SCAPER: variants seen among roughly 807,000 people sequenced by gnomAD.
SCAPER encodes the protein S-phase cyclin A associated protein in the ER.
Under a neutral mutation model 182.2 loss-of-function variants are expected in SCAPER, and 98 were observed. The observed-to-expected ratio is 0.54, with a 90% CI of 0.46 to 0.64. The LOEUF is 0.64. Ranked by LOEUF, SCAPER falls within the 30% of genes least tolerant of loss-of-function variation. The pLI, the probability that SCAPER is intolerant of heterozygous loss-of-function variation, is 0.00. For synonymous variants in SCAPER, 605 were observed against 564.6 expected (o/e 1.07, Z -1.01); for missense variants, 1,432 against 1,690.0 (o/e 0.85, Z 2.68).
intron 25 of SCAPER, among the ~76,000 whole-genome samples, chr15:76,465,837 C>T (rs1462850494): frequency 6.6e-6 from 1 of 152,014 alleles, no homozygotes; most frequent in Non-Finnish European, 1.5e-5. Context: ...CTTTTTTCTG[C>T]TGTGTATTCC....
At chr15:76,621,638 TAA>T in intron 22 of SCAPER, 124 bp downstream of exon 22, 1 of 801,192 alleles carries the variant, frequency 1.2e-6, no homozygotes, top group African/African-American at 1.7e-5. Flanking sequence ...ACTACTGTGT[TAA>T]GAGAATGCTG....
intron 5 of SCAPER, among the ~76,000 whole-genome samples, chr15:76,818,402 T>G (rs990940675): frequency 6.6e-6 from 1 of 152,186 alleles, no homozygotes; most frequent in Non-Finnish European, 1.5e-5. Flanking sequence ...AATGAATTGT[T>G]AGATACAACA....
At chr15:76,785,325 AAG>A (rs2064501612) in intron 8 of SCAPER, among the ~76,000 whole-genome samples, 6 of 152,150 alleles carry the variant, frequency 3.9e-5, no homozygotes, top group Non-Finnish European at 8.8e-5. Context: ...AAAACCACAT[AAG>A]ATACCGTCTC....
chr15:76,679,345 T>C (rs989067381), intron 20 of SCAPER, among the ~76,000 whole-genome samples: 1 of 152,202 alleles, frequency 6.6e-6, no homozygotes, highest in Non-Finnish European at 1.5e-5. Context: ...ACAGTTCCAT[T>C]ATATTTAAGT....
In SCAPER at chr15:76,428,091, A is replaced by AAAAAC. The variant is rs1006057568; in HGVS notation, c.3311+5982_3311+5986dup. 4.9e-4 allele frequency among the ~76,000 whole-genome samples: 75 copies of AAAAAC among 152,210 alleles called. 2 individuals are homozygous for AAAAAC. The highest frequency in any genetic ancestry group is 2.1e-3 in the South Asian group (10 of 4,820). ...CTCCAGCCTGGGCAACAGTGTCTCA[A>AAAAAC]AAAACAAAACAAAACAAAACAAAAC... On this transcript the variant is annotated intron_variant, in intron 26 of 31. Coordinates refer to ENST00000563290, the MANE Select transcript of SCAPER (RefSeq NM_020843.4).
At chr15:76,851,362 A>G (rs929764908) in intron 4 of SCAPER, among the ~76,000 whole-genome samples, 3 of 152,204 alleles carry the variant, frequency 2.0e-5, no homozygotes, top group Non-Finnish European at 4.4e-5. Flanking sequence ...CTACACAAGA[A>G]GATCAACCCC....
intron 22 of SCAPER, among the ~76,000 whole-genome samples, chr15:76,614,778 G>C (rs550208721): frequency 6.6e-6 from 1 of 152,208 alleles, no homozygotes; most frequent in South Asian, 2.1e-4. Flanking sequence ...CTAGTACAGG[G>C]ATAAATGAAA....
chr15:76,846,837 C>T (rs976013619), intron 4 of SCAPER, among the ~76,000 whole-genome samples: 2 of 152,096 alleles, frequency 1.3e-5, no homozygotes, highest in African/African-American at 4.8e-5. Context: ...TATGATCCAG[C>T]AAACCCACTG....
chr15:76,865,612 T>C (rs528867658), intron 2 of SCAPER, among the ~76,000 whole-genome samples: 3 of 152,110 alleles, frequency 2.0e-5, no homozygotes, highest in Admixed American at 6.6e-5. Context: ...CAGAGACAAA[T>C]TGTGTTATGG....
At chr15:76,778,274 G>A (rs552421742) in intron 8 of SCAPER, among the ~76,000 whole-genome samples, 9 of 152,094 alleles carry the variant, frequency 5.9e-5, no homozygotes, top group African/African-American at 1.4e-4. Context: ...TAAAAATGGA[G>A]AGAGTTAAGG....
intron 22 of SCAPER, among the ~76,000 whole-genome samples, chr15:76,575,413 G>A (rs931264304): frequency 1.3e-5 from 2 of 152,106 alleles, no homozygotes; most frequent in Non-Finnish European, 2.9e-5. Flanking sequence ...TTCATAAGAT[G>A]ATCCTACATT....
intron 21 of SCAPER, among the ~76,000 whole-genome samples, chr15:76,637,113 T>C (rs1364500453): frequency 6.6e-6 from 1 of 152,070 alleles, no homozygotes; most frequent in African/African-American, 2.4e-5. Flanking sequence ...CACCTAACTT[T>C]AGAACATTTT....
intron 25 of SCAPER, among the ~76,000 whole-genome samples, chr15:76,447,819 T>G (rs1264084359): frequency 6.6e-6 from 1 of 152,292 alleles, no homozygotes; most frequent in African/African-American, 2.4e-5. Context: ...AAACATGGTC[T>G]TGCCTCCCAG....
intron 2 of SCAPER, among the ~76,000 whole-genome samples, chr15:76,883,506 C>T (rs2073686748): frequency 6.6e-6 from 1 of 152,134 alleles, no homozygotes; most frequent in South Asian, 2.1e-4. Context: ...GGTAGGAGGC[C>T]AGGTCAGGCT....
At chr15:76,702,709 A>C in intron 19 of SCAPER, 141 bp downstream of exon 19, 1 of 918,878 alleles carries the variant, frequency 1.1e-6, no homozygotes, top group Non-Finnish European at 1.6e-6. Context: ...TCAGTCTCCT[A>C]AAGTGCTGAA....
In SCAPER at chr15:76,738,004, C is replaced by A. The variant is rs140097425; in HGVS notation, c.1867-4620G>T. ...ACCACTCGAACTTTCACCATATCAGCAATAACCTGTTGTGCTTTCTTATCA... is the reference window on the plus strand; with the variant it reads ...ACCACTCGAACTTTCACCATATCAGAAATAACCTGTTGTGCTTTCTTATCA... On this transcript the variant is annotated intron_variant, in intron 15 of 31. Transcript: ENST00000563290. 3.5e-3 allele frequency among the ~76,000 whole-genome samples: 534 copies of A among 152,322 alleles called. 5 individuals carry two copies. Among genetic ancestry groups the A allele is most frequent in the African/African-American group, 0.012 (511 of 41,572 alleles).
At chr15:76,813,483 A>C (rs897493232) in intron 5 of SCAPER, among the ~76,000 whole-genome samples, 1 of 151,928 alleles carries the variant, frequency 6.6e-6, no homozygotes, top group African/African-American at 2.4e-5. Context: ...AGAAAGAAAC[A>C]AAAGGCATTC....
chr15:76,380,493 T>C (rs1596358897), intron 28 of SCAPER: 1 of 152,198 alleles, frequency 6.6e-6, no homozygotes, highest in East Asian at 1.9e-4. Context: ...AGCTACAATA[T>C]AGAAGTATTC....
intron 25 of SCAPER, among the ~76,000 whole-genome samples, chr15:76,460,793 T>C (rs2049113975): frequency 6.6e-6 from 1 of 152,182 alleles, no homozygotes; most frequent in African/African-American, 2.4e-5. Flanking sequence ...CAACCTGCTG[T>C]TAAACCCATC....
Sources: allele counts gnomAD v4.1 joint callset (sites outside exome capture counted in the v4.1 genomes callset), GRCh38; gene constraint gnomAD v4.1.1; transcripts MANE v1.5; gene names NCBI Gene and HGNC (gene_info 2026-07-23, HGNC 2026-07-21).